Variants in DICER1 observed in about 807,000 individuals in gnomAD.
The protein encoded by DICER1 is endoribonuclease Dicer.
DICER1 carries 43 observed loss-of-function variants against 194.1 expected under a neutral mutation model. The observed-to-expected ratio is 0.22, with a 90% CI of 0.17 to 0.29. The LOEUF is 0.29. Ranked by LOEUF, DICER1 falls within the 10% of genes least tolerant of loss-of-function variation. DICER1 has a pLI of 1.00. For missense variants in DICER1, 1,608 were observed against 2,317.0 expected (o/e 0.69, Z 6.28); for synonymous variants, 832 against 820.5 (o/e 1.01, Z -0.24).
At chr14:95,091,423 C>A in intron 24 of DICER1, 58 bp from the exon 25 acceptor site, 1 of 1,507,512 alleles carries the variant, frequency 6.6e-7, no homozygotes. Flanking sequence ...AGGCAGTCCA[C>A]AGATGTAGTT....
At chr14:95,156,326 G>C (rs554345921) in intron 1 of DICER1, among the ~76,000 whole-genome samples, 1 of 152,168 alleles carries the variant, frequency 6.6e-6, no homozygotes, top group Non-Finnish European at 1.5e-5. Context: ...TTTAAAACCT[G>C]AAAGTCCTAA....
At position 95,107,385 on chromosome 14, in the gene DICER1, G is replaced by C. The variant is rs187283239; in HGVS notation, c.2804+223C>G. On this transcript the variant is annotated intron_variant, in intron 17 of 26. Transcript: ENST00000343455. Reference sequence around the variant, plus strand: ...CCTGCCTCAGCCTCCCGAGTAACTGGGACTACAGGCGTGCACCACCACGCC... The same window carrying C: ...CCTGCCTCAGCCTCCCGAGTAACTGCGACTACAGGCGTGCACCACCACGCC... Among the ~76,000 whole-genome samples the C allele has an allele frequency of 7.8e-3, 1,188 of 152,034 alleles. 14 individuals are homozygous for C. The highest frequency in any genetic ancestry group is 0.028 in the African/African-American group (1,149 of 41,468).
Position 95,107,969 on chromosome 14 carries a change from A to AATAT in DICER1, c.2557_2560dup (p.Phe854TyrfsTer9). The AATAT allele has an allele frequency of 6.2e-7, 1 of 1,613,746 alleles. No homozygotes were observed. Among genetic ancestry groups the AATAT allele is most frequent in the Non-Finnish European group, 8.5e-7 (1 of 1,179,682 alleles). ...TTTTTCAAGCCGAAGAATATGTGAG[A>AATAT]ATATATACTGGTGAAGTCTTGTAAT... On this transcript the variant is annotated frameshift_variant, in exon 16 of 27. Coordinates refer to ENST00000343455, the MANE Select transcript of DICER1 (RefSeq NM_177438.3). LOFTEE classifies it high-confidence loss of function.
intron 8 of DICER1, among the ~76,000 whole-genome samples, chr14:95,122,934 ACGCG>A (rs776119598): frequency 4.8e-5 from 7 of 146,520 alleles, no homozygotes; most frequent in Non-Finnish European, 4.5e-5. Flanking sequence ...GCGTGCGTGT[ACGCG>A]CGCGCGCGCG....
chr14:95,103,207 C>T, intron 21 of DICER1, 139 bp downstream of exon 21: 3 of 953,842 alleles, frequency 3.1e-6, no homozygotes, highest in Non-Finnish European at 5.0e-6. Flanking sequence ...CCTGGTAGAA[C>T]AAGGGAGCAG....
At chr14:95,132,376 C>A in intron 3 of DICER1, 139 bp downstream of exon 3, 1 of 921,312 alleles carries the variant, frequency 1.1e-6, no homozygotes. Context: ...AAAACAATTT[C>A]TGCCAGAAGA....
chr14:95,097,549 A>C (rs1049150437), intron 22 of DICER1, among the ~76,000 whole-genome samples: 13 of 152,216 alleles, frequency 8.5e-5, no homozygotes, highest in Admixed American at 1.3e-4. Context: ...AACCTTAATA[A>C]TGGGCTAGAT....
intron 24 of DICER1, among the ~76,000 whole-genome samples, chr14:95,093,623 T>G (rs1242410986): frequency 6.6e-6 from 1 of 152,192 alleles, no homozygotes; most frequent in African/African-American, 2.4e-5. Flanking sequence ...GAAGCCCTCA[T>G]GAAGGCGTGG....
chr14:95,131,690 G>C, intron 3 of DICER1, 51 bp from the exon 4 acceptor site: 1 of 1,530,732 alleles, frequency 6.5e-7, no homozygotes, highest in Non-Finnish European at 9.0e-7. Flanking sequence ...TTGCCTAGTT[G>C]GCTCTCTGGA....
At position 95,133,429 on chromosome 14, in the gene DICER1, G is replaced by A. The variant is rs752245195; in HGVS notation, c.30C>T (p.Ser10=). 8 of 1,613,786 alleles carry A rather than the reference G, an allele frequency of 5.0e-6. No homozygotes were observed. The highest frequency in any genetic ancestry group is 1.7e-5 in the Admixed American group (1 of 59,976). The part of the protein sequence containing the change: MKSPALQPL[S]MAGLQLMTPA... Reference sequence around the variant, plus strand: ...GGGTCATGAGCTGCAGGCCTGCCATGCTGAGGGGTTGCAAAGCAGGGCTTT... The same window carrying A: ...GGGTCATGAGCTGCAGGCCTGCCATACTGAGGGGTTGCAAAGCAGGGCTTT... The change falls in exon 2 of 27, where the codon AGC becomes AGT. Residue 10 remains serine, a synonymous_variant. Coordinates refer to ENST00000343455, the MANE Select transcript of DICER1 (RefSeq NM_177438.3).
chr14:95,105,769 G>A lies in DICER1; in HGVS notation c.3002C>T (p.Thr1001Ile), dbSNP rs756484303. ...CCCCTTCTGATTCAAATGTCGAGGT[G>A]TCAAAAGATTAAGTCTGTAAGAATT... ...DHTSSRLNLL[T>I]PRHLNQKGKA... The change falls in exon 19 of 27, where the codon ACA becomes ATA. Residue 1001 changes from threonine to isoleucine, a missense_variant. Thr to Ile is a moderately conservative substitution (Grantham distance 89). Coordinates refer to ENST00000343455, the MANE Select transcript of DICER1 (RefSeq NM_177438.3). The surrounding 1 kb of genome is among the most constrained non-coding windows in gnomAD (Gnocchi z 4.9). 1 of 1,613,946 alleles carries A rather than the reference G, an allele frequency of 6.2e-7. No homozygotes were observed. The highest frequency in any genetic ancestry group is 8.5e-7 in the Non-Finnish European group (1 of 1,179,818).
Position 95,096,633 on chromosome 14 carries a change from C to G in DICER1, c.4287G>C (p.Trp1429Cys). The stretch of plus-strand genomic sequence containing the variant: ...AGTCAGCCTCTTCCTTCGGAGCCCT[C>G]CACATCAGGCTCTCCTCCTCCTCAT... ...EEDEEEESLM[W>C]RAPKEEADYE... Residue 1429 changes from tryptophan to cysteine, a missense_variant, in exon 23 of 27, where the codon TGG becomes TGC. Trp to Cys is a radical substitution (Grantham distance 215). Transcript: ENST00000343455. 6.2e-7 allele frequency: 1 copy of G among 1,612,012 alleles called. No homozygotes were observed. Among genetic ancestry groups the G allele is most frequent in the Non-Finnish European group, 8.5e-7 (1 of 1,178,918 alleles).
chr14:95,094,926 C>G (rs1257716558), intron 23 of DICER1, among the ~76,000 whole-genome samples: 1 of 151,626 alleles, frequency 6.6e-6, no homozygotes, highest in Non-Finnish European at 1.5e-5. Flanking sequence ...GCAGGGACTG[C>G]TAGGCGAGAA....
Position 95,111,299 on chromosome 14 carries a change from G to C in DICER1, c.2256+18C>G, listed in dbSNP as rs577662393. Reference sequence around the variant, plus strand: ...GTCAGAAATGCTAGGTTTTTACTCTGTTCTAACCAATACTAACTGCTTTTG... The same window carrying C: ...GTCAGAAATGCTAGGTTTTTACTCTCTTCTAACCAATACTAACTGCTTTTG... On this transcript the variant is annotated intron_variant, in intron 14 of 26. Transcript: ENST00000343455. 6.2e-7 allele frequency: 1 copy of C among 1,614,040 alleles called. No homozygotes were observed. The highest frequency in any genetic ancestry group is 8.5e-7 in the Non-Finnish European group (1 of 1,179,936).
Position 95,086,544 on chromosome 14 carries a change from T to C in DICER1, c.*3954A>G, listed in dbSNP as rs1323968536. ...GTAACCTGCTGCTGCAGTGAATTCT[T>C]AGTGCATCTATAAAATTTAAATTGT... On this transcript the variant is annotated 3_prime_UTR_variant, in exon 27 of 27. Coordinates refer to ENST00000343455, the MANE Select transcript of DICER1 (RefSeq NM_177438.3). 48 of 233,270 alleles carry C rather than the reference T, an allele frequency of 2.1e-4. No individual in the cohort carries two copies. Among genetic ancestry groups the C allele is most frequent in the Admixed American group, 1.7e-4 (3 of 17,786 alleles). 14.5% of individuals were successfully genotyped at this position (233,270 alleles called of 1,614,324 possible).
chr14:95,147,155 C>T (rs1217759724), intron 1 of DICER1, among the ~76,000 whole-genome samples: 2 of 152,214 alleles, frequency 1.3e-5, no homozygotes, highest in African/African-American at 2.4e-5. Flanking sequence ...ACATACAATT[C>T]TGTTTTAGGT....
intron 17 of DICER1, among the ~76,000 whole-genome samples, chr14:95,106,545 G>A (rs2140004838): frequency 6.6e-6 from 1 of 151,862 alleles, no homozygotes; most frequent in South Asian, 2.1e-4. Flanking sequence ...ACTATCCAAA[G>A]AGTAAATACT....
chr14:95,131,758 A>G, intron 3 of DICER1, 119 bp from the exon 4 acceptor site: 2 of 974,466 alleles, frequency 2.1e-6, no homozygotes, highest in South Asian at 2.6e-5. Context: ...CTAACCAACA[A>G]TGTTTTTGAT....
At position 95,113,128 on chromosome 14, in the gene DICER1, A is replaced by G; in HGVS notation, c.2004T>C (p.Tyr668=). 1 of 1,613,954 alleles carries G rather than the reference A, an allele frequency of 6.2e-7. No homozygotes were observed. The highest frequency in any genetic ancestry group is 8.5e-7 in the Non-Finnish European group (1 of 1,179,790). Residue 668 remains tyrosine, a synonymous_variant, in exon 12 of 27, where the codon TAT becomes TAC. Transcript: ENST00000343455. The stretch of plus-strand genomic sequence containing the variant: ...CTCGAAGAGGTGAGTTAATTGGCAG[A>G]TAAAGAGTTGAATAAAATGTACCAT... ...LPDGTFYSTL[Y]LPINSPLRAS...
Sources: allele counts gnomAD v4.1 joint callset (sites outside exome capture counted in the v4.1 genomes callset), GRCh38; gene constraint gnomAD v4.1.1; non-coding constraint Gnocchi (gnomAD v3.1); transcripts MANE v1.5; gene names NCBI Gene and HGNC (gene_info 2026-07-23, HGNC 2026-07-21).